The following GRIK3 variants were observed in gnomAD, a reference collection of about 807,000 sequenced individuals.
GRIK3 encodes glutamate ionotropic receptor kainate type subunit 3, also known as glutamate receptor ionotropic, kainate 3.
A neutral mutation model predicts 102.5 loss-of-function variants in GRIK3; 29 were observed. The ratio of observed to expected loss-of-function variants is 0.28; its 90% CI spans 0.21 to 0.39. The LOEUF (loss-of-function observed/expected upper bound fraction) is 0.39, where lower values mean the gene tolerates loss of function less well. GRIK3 is among the 10% of genes least tolerant of loss of function. The pLI, the probability that GRIK3 is intolerant of heterozygous loss-of-function variation, is 1.00. For synonymous variants in GRIK3, 511 were observed against 504.9 expected (o/e 1.01, Z -0.16); for missense variants, 908 against 1,252.4 (o/e 0.73, Z 4.15).
Position 36,880,569 on chromosome 1 carries a change from G to A in GRIK3, c.550+65C>T. 6.7e-7 allele frequency: 1 copy of A among 1,501,530 alleles called. No homozygotes were observed. The highest frequency in any genetic ancestry group is 2.3e-5 in the East Asian group (1 of 44,282). 93.0% of individuals were successfully genotyped at this position (1,501,530 alleles called of 1,614,324 possible). On this transcript the variant is annotated intron_variant, in intron 3 of 15. Transcript: ENST00000373091. The surrounding 1 kb of genome is among the most constrained non-coding windows in gnomAD (Gnocchi z 5.4). ...AGCTGTGCTGAACAAACAGACAAGA[G>A]CTTGATCCTGGGCCTCTGCCCCCCT...
intron 1 of GRIK3, among the ~76,000 whole-genome samples, chr1:36,896,938 A>G (rs553267248): frequency 1.3e-5 from 2 of 152,328 alleles, no homozygotes; most frequent in East Asian, 3.9e-4. Flanking sequence ...CATTTGACAA[A>G]ATTCAACAAC....
rs760139100 is a variant in GRIK3 at position 36,844,245 on chromosome 1, C to T, written c.1327-2306G>A. Among the ~76,000 whole-genome samples the T allele has an allele frequency of 5.3e-5, 8 of 152,354 alleles. 1 individual carries two copies. In the South Asian group the frequency reaches 1.7e-3, roughly 32 times the overall value. ...GACTAGCCAGGGATTCTGAGTCTAACTGGGTAGGAAGCTGGACCCTCGGCT... is the reference window on the plus strand; with the variant it reads ...GACTAGCCAGGGATTCTGAGTCTAATTGGGTAGGAAGCTGGACCCTCGGCT... On this transcript the variant is annotated intron_variant, in intron 9 of 15. Coordinates refer to ENST00000373091, the MANE Select transcript of GRIK3 (RefSeq NM_000831.4).
chr1:37,018,008 C>T (rs915039969), intron 1 of GRIK3, among the ~76,000 whole-genome samples: 5 of 152,274 alleles, frequency 3.3e-5, no homozygotes, highest in South Asian at 2.1e-4. Flanking sequence ...AGCTTGACTA[C>T]GCTTGTGCAG....
At chr1:36,837,853 T>G (rs496292) in intron 10 of GRIK3, among the ~76,000 whole-genome samples, 29,413 of 152,090 alleles carry the variant, frequency 0.19, 3,387 homozygotes, top group African/African-American at 0.32. Context: ...GTCAGAAAAG[T>G]CCAGTGCCCC....
intron 1 of GRIK3, among the ~76,000 whole-genome samples, chr1:37,025,568 G>A (rs1240105049): frequency 1.3e-5 from 2 of 152,166 alleles, no homozygotes; most frequent in African/African-American, 4.8e-5. Context: ...TTGGCTCCCC[G>A]CTCCTGCTTT....
intron 1 of GRIK3, among the ~76,000 whole-genome samples, chr1:36,894,213 T>G (rs551853217): frequency 2.2e-4 from 34 of 152,334 alleles, no homozygotes; most frequent in South Asian, 1.7e-3. Context: ...TAATTTACTT[T>G]TTGTCTTTTC....
chr1:36,813,135 T>C (rs1642581673), intron 13 of GRIK3, among the ~76,000 whole-genome samples: 2 of 152,200 alleles, frequency 1.3e-5, no homozygotes, highest in Admixed American at 6.5e-5. Context: ...TAGAGCCAGG[T>C]TGCTTGGGTT....
chr1:37,005,705 C>G (rs1328915008), intron 1 of GRIK3, among the ~76,000 whole-genome samples: 2 of 152,208 alleles, frequency 1.3e-5, no homozygotes, highest in East Asian at 3.8e-4. Context: ...GTTCACTTGT[C>G]AGTCATTCAT....
intron 10 of GRIK3, among the ~76,000 whole-genome samples, chr1:36,834,442 G>T (rs1557696878): frequency 6.6e-6 from 1 of 152,136 alleles, no homozygotes; most frequent in African/African-American, 2.4e-5. Flanking sequence ...TTGGAAAACA[G>T]CACCATGAAA....
chr1:36,817,016 G>A (rs750367044), intron 13 of GRIK3, 44 bp downstream of exon 13: 2 of 1,367,134 alleles, frequency 1.5e-6, no homozygotes, highest in East Asian at 2.3e-5. Flanking sequence ...AGGGTCCGGA[G>A]AGGATCAGCT....
chr1:36,849,355 C>G (rs754018492), intron 9 of GRIK3, among the ~76,000 whole-genome samples: 21 of 152,182 alleles, frequency 1.4e-4, no homozygotes, highest in Non-Finnish European at 2.6e-4. Context: ...GGGTTCTGCT[C>G]CAAGGCAGCC....
intron 10 of GRIK3, among the ~76,000 whole-genome samples, chr1:36,833,814 C>G (rs1409091890): frequency 1.3e-5 from 2 of 152,218 alleles, no homozygotes; most frequent in East Asian, 3.9e-4. Context: ...AAATCCATGT[C>G]CTCCTTCACC....
chr1:36,823,741 G>A (rs549062148), intron 11 of GRIK3, among the ~76,000 whole-genome samples: 57 of 152,186 alleles, frequency 3.7e-4, no homozygotes, highest in African/African-American at 1.3e-3. Flanking sequence ...AGGTACTTGC[G>A]TTTGTCATCC....
chr1:36,946,988 A>G (rs1641791455), intron 1 of GRIK3, among the ~76,000 whole-genome samples: 1 of 152,166 alleles, frequency 6.6e-6, no homozygotes, highest in Admixed American at 6.5e-5. Context: ...AAAGCAGAGG[A>G]GAAGCCCAGA....
intron 1 of GRIK3, among the ~76,000 whole-genome samples, chr1:36,903,686 G>T (rs574514747): frequency 1.3e-5 from 2 of 152,296 alleles, no homozygotes; most frequent in Non-Finnish European, 2.9e-5. Flanking sequence ...AAACTTAAGT[G>T]CCTATCACTA....
At chr1:36,818,653 T>G (rs766216434) in intron 12 of GRIK3, among the ~76,000 whole-genome samples, 100 of 152,358 alleles carry the variant, frequency 6.6e-4, no homozygotes, top group Admixed American at 7.8e-4. Flanking sequence ...TTCATTCAAG[T>G]GCCCAGCACA....
At chr1:37,011,363 T>C (rs1642594845) in intron 1 of GRIK3, among the ~76,000 whole-genome samples, 1 of 152,242 alleles carries the variant, frequency 6.6e-6, no homozygotes, top group South Asian at 2.1e-4. Flanking sequence ...CTTCACACTA[T>C]TAGTTAATTT....
At chr1:37,024,742 CAAAAAAAA>C (rs11314211) in intron 1 of GRIK3, among the ~76,000 whole-genome samples, 2 of 71,044 alleles carry the variant, frequency 2.8e-5, no homozygotes, top group African/African-American at 9.9e-5. Flanking sequence ...GACTCCATCT[CAAAAAAAA>C]AAAAAAAAAA....
At chr1:36,956,631 T>C (rs955526728) in intron 1 of GRIK3, among the ~76,000 whole-genome samples, 4 of 152,102 alleles carry the variant, frequency 2.6e-5, no homozygotes, top group East Asian at 1.9e-4. Context: ...AGGCGGACCC[T>C]GAGCCCAGCA....
Sources: gnomAD v4.1 joint callset for allele counts (sites outside exome capture counted in the v4.1 genomes callset) on GRCh38, gnomAD v4.1.1 for gene constraint, Gnocchi (gnomAD v3.1) non-coding constraint, MANE v1.5 for transcripts, NCBI Gene and HGNC (gene_info 2026-07-23, HGNC 2026-07-21) for gene names.